CHN2: variants seen among roughly 807,000 people sequenced by gnomAD.
The protein encoded by CHN2 is chimerin 2, also known as beta-chimaerin.
A neutral mutation model predicts 56.3 loss-of-function variants in CHN2; 35 were observed. That is an observed-to-expected ratio of 0.62 (90% CI 0.47 to 0.82). The LOEUF (loss-of-function observed/expected upper bound fraction) is 0.82. Ranked by LOEUF, CHN2 falls within the 40% of genes least tolerant of loss-of-function variation. The probability of loss-of-function intolerance (pLI) is 0.00; values close to 1 mark genes in which losing one functional copy is unlikely to be tolerated. For missense variants in CHN2, 491 were observed against 580.5 expected (o/e 0.85, Z 1.58); for synonymous variants, 210 against 212.8 (o/e 0.99, Z 0.12).
chr7:29,242,189 C>A (rs1237279571), intron 1 of CHN2, among the ~76,000 whole-genome samples: 1 of 152,202 alleles, frequency 6.6e-6, no homozygotes, highest in African/African-American at 2.4e-5. Context: ...AGGCATGGAA[C>A]CTAGGCAGGC....
chr7:29,472,301 A>ACACG (rs1554298737), intron 6 of CHN2, among the ~76,000 whole-genome samples: 20 of 146,996 alleles, frequency 1.4e-4, no homozygotes, highest in African/African-American at 4.7e-4. Flanking sequence ...ACACACACGC[A>ACACG]CACACACACA....
intron 1 of CHN2, among the ~76,000 whole-genome samples, chr7:29,348,503 C>T (rs1368195977): frequency 2.0e-5 from 3 of 152,254 alleles, no homozygotes; most frequent in South Asian, 2.1e-4. Context: ...CTTCCCCATC[C>T]TTTCATGAGA....
intron 1 of CHN2, among the ~76,000 whole-genome samples, chr7:29,319,782 G>A (rs1283691626): frequency 1.3e-5 from 2 of 152,090 alleles, no homozygotes; most frequent in East Asian, 3.9e-4. Context: ...TTTCTTACAG[G>A]GCCGTGGCTC....
chr7:29,278,882 G>A (rs1178809167), intron 1 of CHN2, among the ~76,000 whole-genome samples: 3 of 152,050 alleles, frequency 2.0e-5, no homozygotes, highest in Non-Finnish European at 4.4e-5. Context: ...AGCTAGACTC[G>A]CGAGGCTGCC....
intron 6 of CHN2, among the ~76,000 whole-genome samples, chr7:29,461,349 G>A (rs925689270): frequency 6.6e-6 from 1 of 152,192 alleles, no homozygotes; most frequent in Non-Finnish European, 1.5e-5. Context: ...GGGTGACTAG[G>A]AGTTAACCAG....
chr7:29,426,921 G>A (rs898687494), intron 6 of CHN2, among the ~76,000 whole-genome samples: 22 of 152,100 alleles, frequency 1.4e-4, no homozygotes, highest in African/African-American at 3.4e-4. Flanking sequence ...TGGTCCCTCC[G>A]TCATCACGTC....
intron 6 of CHN2, among the ~76,000 whole-genome samples, chr7:29,409,149 G>A (rs1562584396): frequency 1.3e-5 from 2 of 152,174 alleles, no homozygotes; most frequent in Admixed American, 6.5e-5. Context: ...GCATAAGCAC[G>A]TGGGCAGCTC....
intron 1 of CHN2, among the ~76,000 whole-genome samples, chr7:29,249,179 C>T (rs1435529890): frequency 2.6e-5 from 4 of 152,138 alleles, no homozygotes; most frequent in Non-Finnish European, 5.9e-5. Context: ...CTCTGGCATG[C>T]TGGTAGCATG....
chr7:29,371,362 C>T (rs1799598906), intron 3 of CHN2, among the ~76,000 whole-genome samples: 1 of 152,232 alleles, frequency 6.6e-6, no homozygotes, highest in African/African-American at 2.4e-5. Context: ...CGTGAAATAA[C>T]AGTTCATTGC....
intron 1 of CHN2, among the ~76,000 whole-genome samples, chr7:29,218,884 C>A (rs903099021): frequency 2.6e-5 from 4 of 151,168 alleles, no homozygotes; most frequent in Non-Finnish European, 5.9e-5. Flanking sequence ...AGCACACCAG[C>A]ATGGCACATG....
intron 1 of CHN2, among the ~76,000 whole-genome samples, chr7:29,337,460 A>G (rs1028416487): frequency 6.6e-6 from 1 of 152,220 alleles, no homozygotes; most frequent in Non-Finnish European, 1.5e-5. Flanking sequence ...AAGACATGCA[A>G]CACTCATAAC....
intron 6 of CHN2, among the ~76,000 whole-genome samples, chr7:29,403,369 G>A (rs1802381108): frequency 6.6e-6 from 1 of 152,014 alleles, no homozygotes; most frequent in African/African-American, 2.4e-5. Flanking sequence ...GTGTCTTGAA[G>A]GTTTTAATGA....
intron 1 of CHN2, among the ~76,000 whole-genome samples, chr7:29,251,121 T>C (rs961485737): frequency 6.6e-6 from 1 of 152,210 alleles, no homozygotes; most frequent in Non-Finnish European, 1.5e-5. Context: ...TTGTTATATA[T>C]CTACCATGCA....
At chr7:29,191,558 T>C (rs991253603), upstream of CHN2, 1 of 152,254 alleles carries the variant, frequency 6.6e-6, no homozygotes, top group Non-Finnish European at 1.5e-5. Context: ...TGGAAGGCTT[T>C]GAATGCCAGG....
chr7:29,329,132 G>A (rs1366071457), intron 1 of CHN2, among the ~76,000 whole-genome samples: 1 of 152,056 alleles, frequency 6.6e-6, no homozygotes, highest in South Asian at 2.1e-4. Flanking sequence ...AAATGAATGG[G>A]ACAGCAGATA....
At chr7:29,403,036 T>C (rs1802342515) in intron 6 of CHN2, among the ~76,000 whole-genome samples, 1 of 152,128 alleles carries the variant, frequency 6.6e-6, no homozygotes, top group Non-Finnish European at 1.5e-5. Flanking sequence ...TGGACGGGTG[T>C]CGGTGGTGTG....
chr7:29,240,272 G>A (rs1400823158), intron 1 of CHN2, among the ~76,000 whole-genome samples: 3 of 152,178 alleles, frequency 2.0e-5, no homozygotes, highest in Admixed American at 2.0e-4. Context: ...CCTTCCCCGG[G>A]AACTATTTGA....
chr7:29,157,324 C>G (rs573285391), intron 2 of CHN2, among the ~76,000 whole-genome samples: 2 of 151,952 alleles, frequency 1.3e-5, no homozygotes, highest in Admixed American at 1.3e-4. Context: ...AAATTGCAAT[C>G]CTTCTCCACT....
Position 29,263,081 on chromosome 7 carries a change from C to G in CHN2, c.49+68091C>G, listed in dbSNP as rs34773257. Among the ~76,000 whole-genome samples the G allele has an allele frequency of 9.9e-5, 15 of 152,224 alleles. No individual in the cohort carries two copies. In the South Asian group the frequency reaches 1.2e-3, roughly 13 times the overall value. ...GCATGGTCTCCCTCTGATGCCGAGCCGAGGCTGGACTGTACTGCCGCCATC... is the reference window on the plus strand; with the variant it reads ...GCATGGTCTCCCTCTGATGCCGAGCGGAGGCTGGACTGTACTGCCGCCATC... On this transcript the variant is annotated intron_variant, in intron 1 of 12. Coordinates refer to ENST00000222792, the MANE Select transcript of CHN2 (RefSeq NM_004067.4).
Sources: allele counts gnomAD v4.1 joint callset (sites outside exome capture counted in the v4.1 genomes callset), GRCh38; gene constraint gnomAD v4.1.1; transcripts MANE v1.5; gene names NCBI Gene and HGNC (gene_info 2026-07-23, HGNC 2026-07-21).